ANKS1B: variants seen among roughly 807,000 people sequenced by gnomAD.
The protein encoded by ANKS1B is ankyrin repeat and sterile alpha motif domain-containing protein 1B.
In ANKS1B, 36 loss-of-function variants were observed where a neutral mutation model predicts 148.3. The observed-to-expected ratio is 0.24, with a 90% CI of 0.19 to 0.32. The LOEUF (loss-of-function observed/expected upper bound fraction) is 0.32, where lower values mean the gene tolerates loss of function less well. ANKS1B is among the 10% of genes least tolerant of loss of function. The pLI is 1.00. For synonymous variants in ANKS1B, 542 were observed against 560.8 expected (o/e 0.97, Z 0.47); for missense variants, 1,157 against 1,542.6 (o/e 0.75, Z 4.19).
chr12:99,843,705 T>A (rs2086146242), intron 1 of ANKS1B, among the ~76,000 whole-genome samples: 1 of 152,088 alleles, frequency 6.6e-6, no homozygotes, highest in South Asian at 2.1e-4. Context: ...TGAATGATGC[T>A]GCAATGAACA....
At chr12:99,675,724 T>C (rs911934151) in intron 8 of ANKS1B, among the ~76,000 whole-genome samples, 2 of 151,986 alleles carry the variant, frequency 1.3e-5, no homozygotes, top group Non-Finnish European at 2.9e-5. Flanking sequence ...TTTATCATCA[T>C]ATTATATATA....
intron 17 of ANKS1B, among the ~76,000 whole-genome samples, chr12:98,987,475 T>TA (rs1252800921): frequency 6.6e-6 from 1 of 151,974 alleles, no homozygotes; most frequent in Admixed American, 6.6e-5. Flanking sequence ...AACAACAACA[T>TA]AAAAAATCAT....
intron 12 of ANKS1B, among the ~76,000 whole-genome samples, chr12:99,306,489 T>A (rs1161699532): frequency 6.6e-6 from 1 of 152,066 alleles, no homozygotes; most frequent in African/African-American, 2.4e-5. Context: ...AAGCAACACA[T>A]AAGGGTATTT....
rs184647542 is a variant in ANKS1B at position 98,989,925 on chromosome 12, G to A, written c.2778+63232C>T. On this transcript the variant is annotated intron_variant, in intron 17 of 26. Coordinates refer to ENST00000683438, the MANE Select transcript of ANKS1B (RefSeq NM_001352186.2). ...AGGAAGAAGGAAAGAAAGAAAGAAA[G>A]AGAAAGAAAGAGAAAGAAGGAAAAG... 2.7e-3 allele frequency among the ~76,000 whole-genome samples: 392 copies of A among 144,434 alleles called. 1 individual carries two copies. The highest frequency in any genetic ancestry group is 2.8e-3 in the Non-Finnish European group (186 of 65,466). 94.8% of individuals were successfully genotyped at this position (144,434 alleles called of 152,430 possible).
chr12:98,948,095 A>G (rs562602862), intron 17 of ANKS1B, among the ~76,000 whole-genome samples: 12 of 152,102 alleles, frequency 7.9e-5, no homozygotes, highest in African/African-American at 2.7e-4. Context: ...ATTTTGTTGT[A>G]TAACGCAGAA....
chr12:98,802,631 T>A lies in ANKS1B; in HGVS notation c.3142-1506A>T, dbSNP rs937718695. 1.0e-4 allele frequency among the ~76,000 whole-genome samples: 10 copies of A among 95,650 alleles called. No individual in the cohort carries two copies. The Admixed American group carries it at 1.4e-3, about 14-fold the overall frequency. 62.8% of individuals were successfully genotyped at this position (95,650 alleles called of 152,430 possible). On this transcript the variant is annotated intron_variant, in intron 20 of 26. Coordinates refer to ENST00000683438, the MANE Select transcript of ANKS1B (RefSeq NM_001352186.2). ...TTTTTTTTTTTTTTTTTTTTTTTTT[T>A]AGCAGTGGAGTGCCTGAAGCTTTTC...
At chr12:99,037,483 C>T (rs746442139) in intron 17 of ANKS1B, among the ~76,000 whole-genome samples, 22 of 149,728 alleles carry the variant, frequency 1.5e-4, no homozygotes, top group Non-Finnish European at 8.8e-5. Flanking sequence ...CCAGCTGGGG[C>T]GACAGAGCTC....
intron 8 of ANKS1B, among the ~76,000 whole-genome samples, chr12:99,760,649 A>AC (rs2062001388): frequency 6.6e-6 from 1 of 151,782 alleles, no homozygotes; most frequent in Admixed American, 6.6e-5. Flanking sequence ...AACTAGAAAA[A>AC]CAAGAACAAA....
chr12:99,356,017 T>G (rs1021890213), intron 12 of ANKS1B, among the ~76,000 whole-genome samples: 1 of 151,478 alleles, frequency 6.6e-6, no homozygotes, highest in Admixed American at 6.6e-5. Flanking sequence ...CAGGAAAAGT[T>G]TAATGTATAA....
chr12:99,244,943 C>T (rs1213430118), intron 13 of ANKS1B, among the ~76,000 whole-genome samples: 1 of 152,186 alleles, frequency 6.6e-6, no homozygotes, highest in African/African-American at 2.4e-5. Flanking sequence ...CAACCTCCGC[C>T]GCCCAGGTCC....
chr12:99,614,321 G>A (rs908808767), intron 9 of ANKS1B, among the ~76,000 whole-genome samples: 6 of 151,944 alleles, frequency 3.9e-5, no homozygotes, highest in Admixed American at 2.0e-4. Flanking sequence ...TGTAGTCCCA[G>A]CTACTTAGGA....
intron 9 of ANKS1B, among the ~76,000 whole-genome samples, chr12:99,580,025 G>A (rs967331757): frequency 1.3e-5 from 2 of 152,100 alleles, no homozygotes; most frequent in Admixed American, 1.3e-4. Context: ...CCATAAAAAG[G>A]AATGAAATTA....
intron 1 of ANKS1B, among the ~76,000 whole-genome samples, chr12:99,914,352 A>G (rs1437921780): frequency 6.6e-6 from 1 of 152,194 alleles, no homozygotes; most frequent in African/African-American, 2.4e-5. Context: ...GGTGGACTGT[A>G]ATGTGTTACA....
intron 4 of ANKS1B, among the ~76,000 whole-genome samples, chr12:99,788,444 T>C (rs909601587): frequency 1.3e-5 from 2 of 152,092 alleles, no homozygotes; most frequent in Non-Finnish European, 2.9e-5. Context: ...AAAGAGCTCT[T>C]GGAGCCTAAA....
intron 8 of ANKS1B, among the ~76,000 whole-genome samples, chr12:99,732,921 G>T (rs375599473): frequency 4.6e-5 from 7 of 151,790 alleles, no homozygotes; most frequent in Non-Finnish European, 1.0e-4. Context: ...TTTTCATTCA[G>T]TTATAAGACC....
chr12:99,888,940 A>G (rs1414525956), intron 1 of ANKS1B, among the ~76,000 whole-genome samples: 1 of 147,436 alleles, frequency 6.8e-6, no homozygotes, highest in African/African-American at 2.5e-5. Context: ...TAAAATTCCA[A>G]CCCTGGAAAA....
Position 98,796,276 on chromosome 12 carries a change from A to C in ANKS1B, c.3342+2658T>G, listed in dbSNP as rs150500151. Reference sequence around the variant, plus strand: ...ATTTTGGCTAAAATGCATACTTTGAACAGAAAACATCTTTTTTTCAATTAA... The same window carrying C: ...ATTTTGGCTAAAATGCATACTTTGACCAGAAAACATCTTTTTTTCAATTAA... On this transcript the variant is annotated intron_variant, in intron 22 of 26. Transcript: ENST00000683438. Among the ~76,000 whole-genome samples, 447 of 152,320 alleles carry C rather than the reference A, an allele frequency of 2.9e-3. 8 individuals carry two copies. Among genetic ancestry groups the C allele is most frequent in the African/African-American group, 0.01 (420 of 41,570 alleles).
intron 17 of ANKS1B, among the ~76,000 whole-genome samples, chr12:98,840,036 C>G (rs2099397130): frequency 6.6e-6 from 1 of 152,146 alleles, no homozygotes; most frequent in Admixed American, 6.5e-5. Context: ...GAATACAACT[C>G]AAAGGTGATC....
chr12:99,958,918 A>G (rs1341626563), intron 1 of ANKS1B, among the ~76,000 whole-genome samples: 1 of 152,146 alleles, frequency 6.6e-6, no homozygotes, highest in African/African-American at 2.4e-5. Flanking sequence ...TTTGCATTTC[A>G]TACCTCCATT....
Sources: gnomAD v4.1 joint callset for allele counts (sites outside exome capture counted in the v4.1 genomes callset) on GRCh38, gnomAD v4.1.1 for gene constraint, MANE v1.5 for transcripts, NCBI Gene and HGNC (gene_info 2026-07-23, HGNC 2026-07-21) for gene names.